TTC9: variants seen among roughly 807,000 people sequenced by gnomAD.
The protein encoded by TTC9 is tetratricopeptide repeat domain 9, also known as tetratricopeptide repeat protein 9A.
A neutral mutation model predicts 22.9 loss-of-function variants in TTC9; 13 were observed. That is an observed-to-expected ratio of 0.57 (90% CI 0.37 to 0.90). TTC9 has a LOEUF of 0.90. TTC9 is among the 40% of genes least tolerant of loss of function. The probability of loss-of-function intolerance (pLI) is 0.01; values close to 1 mark genes in which losing one functional copy is unlikely to be tolerated. For missense variants in TTC9, 280 were observed against 291.8 expected (o/e 0.96, Z 0.29); for synonymous variants, 148 against 133.2 (o/e 1.11, Z -0.77).
chr14:70,651,403 T>C (rs1434873936), intron 1 of TTC9, among the ~76,000 whole-genome samples: 3 of 144,120 alleles, frequency 2.1e-5, no homozygotes, highest in African/African-American at 8.9e-5. Flanking sequence ...GTAATTTGCA[T>C]TTTAAAAATA....
At chr14:70,656,999 G>C (rs1419918367) in intron 1 of TTC9, among the ~76,000 whole-genome samples, 6 of 152,188 alleles carry the variant, frequency 3.9e-5, no homozygotes, top group African/African-American at 1.4e-4. Context: ...ACCCAGATTG[G>C]TGCCAAAGGG....
chr14:70,659,006 C>T (rs868033751), intron 1 of TTC9, among the ~76,000 whole-genome samples: 11 of 152,050 alleles, frequency 7.2e-5, no homozygotes, highest in Middle Eastern at 3.4e-3. Flanking sequence ...TTCAAAATGA[C>T]AAAATTTTAA....
chr14:70,669,545 T>C (rs1886262723), intron 2 of TTC9, among the ~76,000 whole-genome samples: 1 of 151,792 alleles, frequency 6.6e-6, no homozygotes, highest in African/African-American at 2.4e-5. Flanking sequence ...CCTCCTAAAG[T>C]GCTGGGATTA....
At chr14:70,664,713 A>G (rs1156330697) in intron 1 of TTC9, among the ~76,000 whole-genome samples, 8 of 139,586 alleles carry the variant, frequency 5.7e-5, no homozygotes, top group Non-Finnish European at 1.5e-5. Context: ...TAGGCAATAG[A>G]GCGTGACTCC....
intron 1 of TTC9, among the ~76,000 whole-genome samples, chr14:70,645,419 G>T (rs898539282): frequency 6.6e-6 from 1 of 152,106 alleles, no homozygotes. Flanking sequence ...ACAAAGCTGA[G>T]GTCCTCCTGT....
At chr14:70,659,393 C>A (rs78186705) in intron 1 of TTC9, among the ~76,000 whole-genome samples, 12,457 of 152,104 alleles carry the variant, frequency 0.082, 972 homozygotes, top group East Asian at 0.43. Context: ...GTTAGTTTTG[C>A]AAGCACTAGC....
intron 1 of TTC9, among the ~76,000 whole-genome samples, chr14:70,660,442 T>C (rs779933589): frequency 2.6e-5 from 4 of 152,270 alleles, no homozygotes; most frequent in Admixed American, 6.5e-5. Context: ...TACACATTGC[T>C]GGGCAAACCA....
At chr14:70,663,867 G>C (rs1004200332) in intron 1 of TTC9, among the ~76,000 whole-genome samples, 1 of 152,102 alleles carries the variant, frequency 6.6e-6, no homozygotes, top group African/African-American at 2.4e-5. Context: ...GTTTCCGATG[G>C]CTTCAAATGC....
rs1443629252 is a variant in TTC9 at position 70,642,554 on chromosome 14, C to T, written c.406+19C>T. ...CTGGCAGGTGAGCCGCGCCGCGCCC[C>T]CCGCGCCGCGGTCCCCGTTCTTCGG... On this transcript the variant is annotated intron_variant, in intron 1 of 2. Coordinates refer to ENST00000256367, the MANE Select transcript of TTC9 (RefSeq NM_015351.2). The T allele has an allele frequency of 1.3e-6, 2 of 1,528,036 alleles. No individual in the cohort carries two copies. Among genetic ancestry groups the T allele is most frequent in the South Asian group, 1.2e-5 (1 of 83,058 alleles). The allele number at this position is 1,528,036 out of a possible 1,614,324, so 94.7% of individuals were successfully genotyped here. A position where few individuals can be genotyped will look rare whatever the true frequency, so the allele number is the denominator to read the frequency against.
chr14:70,674,799 G>T lies in TTC9; in HGVS notation c.*3644G>T, dbSNP rs1384610626. ...TCAACAGCATCTTCATTGTATGGAT[G>T]GACCCTTTTTTTATCATCAATCCTC... On this transcript the variant is annotated 3_prime_UTR_variant, in exon 3 of 3. Transcript: ENST00000256367. The T allele has an allele frequency of 6.6e-6, 1 of 152,064 alleles. No homozygotes were observed. The highest frequency in any genetic ancestry group is 1.5e-5 in the Non-Finnish European group (1 of 68,016). 9.4% of individuals were successfully genotyped at this position (152,064 alleles called of 1,614,324 possible). A position where few individuals can be genotyped will look rare whatever the true frequency, so the allele number is the denominator to read the frequency against.
intron 1 of TTC9, among the ~76,000 whole-genome samples, chr14:70,647,209 T>C (rs1354802124): frequency 6.6e-6 from 1 of 152,254 alleles, no homozygotes; most frequent in African/African-American, 2.4e-5. Flanking sequence ...TATACTTCTG[T>C]AGCTCATACA....
At chr14:70,667,889 C>A in intron 2 of TTC9, 143 bp downstream of exon 2, 2 of 772,496 alleles carry the variant, frequency 2.6e-6, no homozygotes, top group Non-Finnish European at 2.0e-6. Context: ...ATGATAAGAC[C>A]TAAGAGGAGC....
intron 2 of TTC9, among the ~76,000 whole-genome samples, chr14:70,668,660 G>A (rs941760066): frequency 1.5e-4 from 23 of 151,248 alleles, no homozygotes; most frequent in Admixed American, 9.2e-4. Flanking sequence ...AGACCAGTCT[G>A]AGCAACATGG....
Position 70,642,013 on chromosome 14 carries a change from C to G in TTC9, c.-117C>G. On this transcript the variant is annotated 5_prime_UTR_variant, in exon 1 of 3. Coordinates refer to ENST00000256367, the MANE Select transcript of TTC9 (RefSeq NM_015351.2). ...GACCGCCGCGGGGTGTCACGGCCGC[C>G]ACGAAGCCTGCGAGGCGCGGGGCCG... The G allele has an allele frequency of 1.5e-6, 1 of 679,820 alleles. No homozygotes were observed. The highest frequency in any genetic ancestry group is 1.8e-6 in the Non-Finnish European group (1 of 547,526). 42.1% of individuals were successfully genotyped at this position (679,820 alleles called of 1,614,324 possible).
At chr14:70,659,260 A>G (rs1654046414) in intron 1 of TTC9, among the ~76,000 whole-genome samples, 1 of 152,192 alleles carries the variant, frequency 6.6e-6, no homozygotes, top group Non-Finnish European at 1.5e-5. Context: ...ATTTTACAAG[A>G]TATTAGCGCT....
At position 70,671,415 on chromosome 14, in the gene TTC9, T is replaced by G; in HGVS notation, c.*260T>G. 2.6e-6 allele frequency: 1 copy of G among 387,400 alleles called. No homozygotes were observed. Among genetic ancestry groups the G allele is most frequent in the Non-Finnish European group, 4.9e-6 (1 of 205,068 alleles). The allele number at this position is 387,400 out of a possible 1,614,324, so 24.0% of individuals were successfully genotyped here. On this transcript the variant is annotated 3_prime_UTR_variant, in exon 3 of 3. Transcript: ENST00000256367. ...CGACTGAGAGGGGCCTGACTTCTGC[T>G]GGGACAGCTGGAGAGGAGTCTCATG...
chr14:70,657,615 G>A (rs1172170741), intron 1 of TTC9, among the ~76,000 whole-genome samples: 5 of 152,196 alleles, frequency 3.3e-5, no homozygotes, highest in Admixed American at 3.3e-4. Context: ...AGCAGCAGTA[G>A]TGGGAGACTC....
Position 70,642,046 on chromosome 14 carries a change from C to A in TTC9, c.-84C>A, listed in dbSNP as rs994383688. Reference sequence around the variant, plus strand: ...CTGCGAGGCGCGGGGCCGGCGCCCGCGGCTTTTAAACCCGGGAAGGCGCGG... The same window carrying A: ...CTGCGAGGCGCGGGGCCGGCGCCCGAGGCTTTTAAACCCGGGAAGGCGCGG... On this transcript the variant is annotated 5_prime_UTR_variant, in exon 1 of 3. Transcript: ENST00000256367. 1 of 949,472 alleles carries A rather than the reference C, an allele frequency of 1.1e-6. No individual in the cohort carries two copies. Among genetic ancestry groups the A allele is most frequent in the Non-Finnish European group, 1.3e-6 (1 of 792,836 alleles). The allele number at this position is 949,472 out of a possible 1,614,324, so 58.8% of individuals were successfully genotyped here.
intron 1 of TTC9, among the ~76,000 whole-genome samples, chr14:70,665,974 T>G (rs1214654826): frequency 6.6e-6 from 1 of 152,130 alleles, no homozygotes; most frequent in Non-Finnish European, 1.5e-5. Context: ...CTCCTAAGTC[T>G]CTGTTTTTAT....
Sources: gnomAD v4.1 joint callset for allele counts (sites outside exome capture counted in the v4.1 genomes callset) on GRCh38, gnomAD v4.1.1 for gene constraint, MANE v1.5 for transcripts, NCBI Gene and HGNC (gene_info 2026-07-23, HGNC 2026-07-21) for gene names.